The following SSBP2 variants were observed in gnomAD, a reference collection of about 807,000 sequenced individuals.
The protein encoded by SSBP2 is single stranded DNA binding protein 2, also known as single-stranded DNA-binding protein 2.
In SSBP2, 17 loss-of-function variants were observed where a neutral mutation model predicts 61.8. The ratio of observed to expected loss-of-function variants is 0.28; its 90% CI spans 0.19 to 0.41. SSBP2 has a LOEUF of 0.41. Ranked by LOEUF, SSBP2 falls within the 10% of genes least tolerant of loss-of-function variation. SSBP2 has a pLI of 1.00. For missense variants in SSBP2, 310 were observed against 458.7 expected (o/e 0.68, Z 2.96); for synonymous variants, 139 against 141.3 (o/e 0.98, Z 0.12).
At chr5:81,632,343 T>A (rs1747803922) in intron 3 of SSBP2, among the ~76,000 whole-genome samples, 1 of 152,212 alleles carries the variant, frequency 6.6e-6, no homozygotes, top group African/African-American at 2.4e-5. Flanking sequence ...AAATACTCCA[T>A]GGGAAATTCC....
At chr5:81,646,113 G>C (rs1312246972) in intron 2 of SSBP2, among the ~76,000 whole-genome samples, 1 of 152,104 alleles carries the variant, frequency 6.6e-6, no homozygotes, top group Non-Finnish European at 1.5e-5. Context: ...ATAATGCCTG[G>C]AGTTCCAGTT....
chr5:81,474,914 T>C (rs1375484378), intron 6 of SSBP2, among the ~76,000 whole-genome samples: 1 of 152,170 alleles, frequency 6.6e-6, no homozygotes, highest in Non-Finnish European at 1.5e-5. Context: ...GCTTCTTACA[T>C]GTAAATTCCC....
At chr5:81,693,985 G>A (rs1444406138) in intron 1 of SSBP2, among the ~76,000 whole-genome samples, 1 of 151,984 alleles carries the variant, frequency 6.6e-6, no homozygotes, top group East Asian at 1.9e-4. Context: ...ACAGAATGAA[G>A]TAGGCCATAA....
At chr5:81,598,608 T>C (rs1265229302) in intron 4 of SSBP2, among the ~76,000 whole-genome samples, 2 of 152,200 alleles carry the variant, frequency 1.3e-5, no homozygotes, top group Non-Finnish European at 2.9e-5. Context: ...ACCCTTCTTA[T>C]TGATACTGGA....
At chr5:81,699,854 CT>C (rs3081889) in intron 1 of SSBP2, among the ~76,000 whole-genome samples, 5,523 of 124,730 alleles carry the variant, frequency 0.044, 213 homozygotes, top group African/African-American at 0.15. Context: ...AAATCAATTT[CT>C]TTTTTTTTTT....
chr5:81,440,989 T>C (rs780827618), intron 13 of SSBP2, among the ~76,000 whole-genome samples: 1 of 152,270 alleles, frequency 6.6e-6, no homozygotes, highest in Non-Finnish European at 1.5e-5. Flanking sequence ...CAAAGGTGGT[T>C]CTTAAGAAGC....
At chr5:81,723,924 T>A (rs527814298) in intron 1 of SSBP2, among the ~76,000 whole-genome samples, 15 of 152,130 alleles carry the variant, frequency 9.9e-5, no homozygotes, top group Middle Eastern at 6.8e-3. Flanking sequence ...TCTTCTGTCT[T>A]TTCTATGCTT....
chr5:81,458,622 C>T (rs907753015), intron 10 of SSBP2, among the ~76,000 whole-genome samples: 2 of 152,138 alleles, frequency 1.3e-5, no homozygotes, highest in Admixed American at 6.5e-5. Context: ...CTTCAATATG[C>T]TGCCTTGAGG....
At chr5:81,440,916 T>A (rs1185811396) in intron 13 of SSBP2, among the ~76,000 whole-genome samples, 3 of 152,194 alleles carry the variant, frequency 2.0e-5, no homozygotes, top group Non-Finnish European at 4.4e-5. Flanking sequence ...GTATATACAT[T>A]CCAGTGCAAA....
At chr5:81,695,673 A>G (rs1195914634) in intron 1 of SSBP2, among the ~76,000 whole-genome samples, 1 of 152,044 alleles carries the variant, frequency 6.6e-6, no homozygotes, top group Non-Finnish European at 1.5e-5. Flanking sequence ...GAAAACTTAG[A>G]TATTACTAAT....
chr5:81,728,401 A>G (rs114415925), intron 1 of SSBP2, among the ~76,000 whole-genome samples: 5,453 of 152,272 alleles, frequency 0.036, 294 homozygotes, highest in African/African-American at 0.12. Flanking sequence ...TCCTCATTTC[A>G]TATTATGTCA....
chr5:81,707,315 A>C (rs1754464824), intron 1 of SSBP2, among the ~76,000 whole-genome samples: 1 of 152,158 alleles, frequency 6.6e-6, no homozygotes, highest in Non-Finnish European at 1.5e-5. Flanking sequence ...CCTAATGTGG[A>C]AATAAGGTCA....
chr5:81,743,463 T>C (rs1238901839), intron 1 of SSBP2, among the ~76,000 whole-genome samples: 4 of 152,192 alleles, frequency 2.6e-5, no homozygotes, highest in Non-Finnish European at 5.9e-5. Context: ...ATATGACTAT[T>C]TGAAGTTGCC....
At chr5:81,445,176 ATG>A (rs1487213669) in intron 12 of SSBP2, among the ~76,000 whole-genome samples, 3,888 of 79,422 alleles carry the variant, frequency 0.049, 766 homozygotes, top group African/African-American at 0.073. Flanking sequence ...ATATATATAT[ATG>A]TATGTATTTA....
At chr5:81,735,892 A>T (rs1163451536) in intron 1 of SSBP2, among the ~76,000 whole-genome samples, 2 of 152,182 alleles carry the variant, frequency 1.3e-5, no homozygotes, top group Non-Finnish European at 2.9e-5. Flanking sequence ...TATCCTCTTA[A>T]AAATGACAAA....
At chr5:81,550,848 G>C (rs1772120514) in intron 4 of SSBP2, among the ~76,000 whole-genome samples, 1 of 152,180 alleles carries the variant, frequency 6.6e-6, no homozygotes, top group South Asian at 2.1e-4. Flanking sequence ...TGTAATCCCA[G>C]CACTTCGGGA....
chr5:81,588,374 G>C (rs2153504747), intron 4 of SSBP2, among the ~76,000 whole-genome samples: 2 of 152,178 alleles, frequency 1.3e-5, no homozygotes, highest in East Asian at 3.9e-4. Flanking sequence ...AACTCAGAAA[G>C]TAACTTACCC....
chr5:81,439,809 C>CT (rs980396544), intron 14 of SSBP2, among the ~76,000 whole-genome samples: 4 of 151,438 alleles, frequency 2.6e-5, no homozygotes, highest in Non-Finnish European at 5.9e-5. Flanking sequence ...GTAGCTGGGA[C>CT]TACAGGCACC....
chr5:81,531,317 TAC>T (rs1208026768), intron 4 of SSBP2, among the ~76,000 whole-genome samples: 4 of 151,814 alleles, frequency 2.6e-5, no homozygotes, highest in Admixed American at 6.6e-5. Flanking sequence ...CAAAAATTTT[TAC>T]AGAGGAAAAG....
Sources: gnomAD v4.1 joint callset for allele counts (sites outside exome capture counted in the v4.1 genomes callset) on GRCh38, gnomAD v4.1.1 for gene constraint, MANE v1.5 for transcripts, NCBI Gene and HGNC (gene_info 2026-07-23, HGNC 2026-07-21) for gene names.